The following CTNNA2 variants were observed in gnomAD, a reference collection of about 807,000 sequenced individuals.
CTNNA2 encodes the protein catenin alpha-2.
Under a neutral mutation model 101.0 loss-of-function variants are expected in CTNNA2, and 42 were observed. That is an observed-to-expected ratio of 0.42 (90% confidence interval 0.32 to 0.54). The LOEUF (loss-of-function observed/expected upper bound fraction) is 0.54, where lower values mean the gene tolerates loss of function less well. Among genes scored for constraint, CTNNA2 ranks in the 20% least tolerant of loss-of-function variants. CTNNA2 has a pLI of 0.14. For missense variants in CTNNA2, 871 were observed against 1,223.1 expected (o/e 0.71, Z 4.29); for synonymous variants, 450 against 456.4 (o/e 0.99, Z 0.18).
chr2:80,595,236 T>A, intron 15 of CTNNA2, among the ~76,000 whole-genome samples: 1 of 152,132 alleles, frequency 6.6e-6, no homozygotes, highest in East Asian at 1.9e-4. Context: ...AACATTTTAT[T>A]TTTTTGATAC....
At chr2:79,855,413 G>T (rs1176348491) in intron 3 of CTNNA2, among the ~76,000 whole-genome samples, 1 of 152,184 alleles carries the variant, frequency 6.6e-6, no homozygotes, top group Non-Finnish European at 1.5e-5. Context: ...GTACACTTCT[G>T]CCAGATGCCC....
intron 9 of CTNNA2, among the ~76,000 whole-genome samples, chr2:80,495,967 A>AAAG (rs1236115589): frequency 7.2e-6 from 1 of 139,070 alleles, no homozygotes; most frequent in African/African-American, 2.8e-5. Flanking sequence ...AAAAAAAAAA[A>AAAG]GGTGGCCATT....
At chr2:79,682,616 A>AGTC (rs1386940426) in intron 2 of CTNNA2, among the ~76,000 whole-genome samples, 1 of 152,126 alleles carries the variant, frequency 6.6e-6, no homozygotes, top group Non-Finnish European at 1.5e-5. Flanking sequence ...ATTATAAATG[A>AGTC]GTCATGAAAT....
intron 3 of CTNNA2, among the ~76,000 whole-genome samples, chr2:79,805,742 C>T (rs904103154): frequency 2.6e-5 from 4 of 151,996 alleles, no homozygotes; most frequent in African/African-American, 9.6e-5. Flanking sequence ...TCGAGACCAT[C>T]CTGGCTAACA....
chr2:79,760,227 G>T (rs978485960), intron 3 of CTNNA2, among the ~76,000 whole-genome samples: 3 of 152,000 alleles, frequency 2.0e-5, no homozygotes, highest in Non-Finnish European at 2.9e-5. Flanking sequence ...TAAGACATTT[G>T]CTCAGAAAGG....
At chr2:80,569,629 T>C (rs1411032432) in intron 12 of CTNNA2, among the ~76,000 whole-genome samples, 1 of 129,244 alleles carries the variant, frequency 7.7e-6, no homozygotes, top group Non-Finnish European at 1.6e-5. Flanking sequence ...TTTGGGGTAT[T>C]TAGGTTTTTT....
At chr2:79,816,120 C>T (rs534780213) in intron 3 of CTNNA2, among the ~76,000 whole-genome samples, 1 of 151,974 alleles carries the variant, frequency 6.6e-6, no homozygotes, top group Non-Finnish European at 1.5e-5. Flanking sequence ...AGAAATTTTG[C>T]TGAATTGTTT....
chr2:79,635,853 A>G (rs1424498904), intron 1 of CTNNA2, among the ~76,000 whole-genome samples: 1 of 151,946 alleles, frequency 6.6e-6, no homozygotes, highest in East Asian at 2.0e-4. Context: ...AGTTGGACCA[A>G]TGTTGTGGAA....
At chr2:80,086,333 G>A in intron 7 of CTNNA2, among the ~76,000 whole-genome samples, 1 of 152,116 alleles carries the variant, frequency 6.6e-6, no homozygotes, top group East Asian at 1.9e-4. Context: ...ATAACCAAAG[G>A]CCACACAGAC....
chr2:80,366,717 G>C (rs1674968158), intron 7 of CTNNA2, among the ~76,000 whole-genome samples: 1 of 152,056 alleles, frequency 6.6e-6, no homozygotes, highest in Admixed American at 6.6e-5. Flanking sequence ...AATCCCTCAG[G>C]CATATCGCTG....
intron 1 of CTNNA2, among the ~76,000 whole-genome samples, chr2:79,189,388 T>C (rs907560145): frequency 3.3e-5 from 5 of 152,210 alleles, no homozygotes; most frequent in African/African-American, 1.2e-4. Flanking sequence ...TTCTACTTCA[T>C]TGATGTCTGG....
chr2:79,883,016 A>G (rs1683566885), intron 6 of CTNNA2, among the ~76,000 whole-genome samples: 1 of 152,108 alleles, frequency 6.6e-6, no homozygotes, highest in African/African-American at 2.4e-5. Flanking sequence ...CACGCCAGCC[A>G]CCTAGTCAGT....
intron 7 of CTNNA2, among the ~76,000 whole-genome samples, chr2:80,064,314 C>T (rs918219526): frequency 2.0e-5 from 3 of 152,172 alleles, no homozygotes; most frequent in Admixed American, 1.3e-4. Flanking sequence ...AGGAGTATCT[C>T]GGGAATTTAC....
rs538239592 is a variant in CTNNA2, at chr2:79,763,408, C to T, written c.298+18826C>T. 2.0e-5 allele frequency among the ~76,000 whole-genome samples: 3 copies of T among 152,230 alleles called. No individual in the cohort carries two copies. The South Asian group carries it at 6.2e-4, about 32-fold the overall frequency. ...AGCTTCTTTCTGTGTAGCTTTTTCT[C>T]CATTTTCTTCTCCATCCAGAAAATA... On this transcript the variant is annotated intron_variant, in intron 3 of 18. Coordinates refer to ENST00000402739, the MANE Select transcript of CTNNA2 (RefSeq NM_001282597.3).
chr2:80,576,911 T>A (rs997840642), intron 13 of CTNNA2, among the ~76,000 whole-genome samples: 8 of 151,958 alleles, frequency 5.3e-5, no homozygotes, highest in Non-Finnish European at 1.2e-4. Flanking sequence ...GGTTACAGTT[T>A]AACTTCACGT....
At chr2:80,550,936 T>A (rs77362999) in intron 11 of CTNNA2, among the ~76,000 whole-genome samples, 1,628 of 152,308 alleles carry the variant, frequency 0.011, 17 homozygotes, top group Middle Eastern at 0.065. Flanking sequence ...GCCTTTAATT[T>A]ACTTTGCCCA....
intron 1 of CTNNA2, chr2:79,634,497 A>G (rs1573528803): frequency 6.6e-6 from 1 of 152,208 alleles, no homozygotes; most frequent in East Asian, 1.9e-4. Context: ...TCATTTACTT[A>G]TGTGTCTATT....
intron 4 of CTNNA2, among the ~76,000 whole-genome samples, chr2:79,388,832 C>T (rs1302382026): frequency 1.3e-5 from 2 of 152,006 alleles, no homozygotes; most frequent in East Asian, 3.9e-4. Flanking sequence ...CCCATCTTAA[C>T]ATAAACACTT....
intron 7 of CTNNA2, chr2:80,304,999 A>G (rs1403709977): frequency 1.1e-6 from 1 of 920,322 alleles, no homozygotes; most frequent in Non-Finnish European, 1.3e-6. Context: ...TGGGAAACTG[A>G]AATGTTCTGT....
Sources: allele counts gnomAD v4.1 joint callset (sites outside exome capture counted in the v4.1 genomes callset), GRCh38; gene constraint gnomAD v4.1.1; transcripts MANE v1.5; gene names NCBI Gene and HGNC (gene_info 2026-07-23, HGNC 2026-07-21).